The following KCNQ5 variants were observed in gnomAD, a reference collection of about 807,000 sequenced individuals.
KCNQ5 encodes potassium voltage-gated channel subfamily KQT member 5.
KCNQ5 carries 30 observed loss-of-function variants against 98.2 expected under a neutral mutation model. That is an observed-to-expected ratio of 0.31 (90% CI 0.23 to 0.41). The LOEUF (loss-of-function observed/expected upper bound fraction) is 0.41, where lower values mean the gene tolerates loss of function less well. KCNQ5 is among the 10% of genes least tolerant of loss of function. KCNQ5 has a pLI of 1.00. For missense variants in KCNQ5, 835 were observed against 1,182.5 expected (o/e 0.71, Z 4.31); for synonymous variants, 458 against 449.4 (o/e 1.02, Z -0.24).
intron 1 of KCNQ5, among the ~76,000 whole-genome samples, chr6:72,845,949 A>G (rs1188632913): frequency 6.6e-6 from 1 of 152,158 alleles, no homozygotes; most frequent in Non-Finnish European, 1.5e-5. Context: ...TGCTAATGTT[A>G]TAGCCATTTC....
chr6:72,802,147 G>A (rs1774694156), intron 1 of KCNQ5, among the ~76,000 whole-genome samples: 1 of 151,958 alleles, frequency 6.6e-6, no homozygotes, highest in East Asian at 1.9e-4. Flanking sequence ...GGCGTTCTCT[G>A]TATTTCCTGA....
chr6:73,025,623 CA>C (rs58607159), intron 2 of KCNQ5, among the ~76,000 whole-genome samples: 51 of 52,994 alleles, frequency 9.6e-4, no homozygotes, highest in Middle Eastern at 9.6e-3. Context: ...AACTCCATCT[CA>C]AAAAAAAAAA....
chr6:73,041,190 T>C (rs1771670473), intron 2 of KCNQ5, among the ~76,000 whole-genome samples: 1 of 152,232 alleles, frequency 6.6e-6, no homozygotes. Flanking sequence ...CATTCTATCA[T>C]CGACTGTTTA....
At chr6:72,907,041 C>T (rs772049244) in intron 1 of KCNQ5, among the ~76,000 whole-genome samples, 3 of 151,958 alleles carry the variant, frequency 2.0e-5, no homozygotes, top group African/African-American at 4.8e-5. Context: ...CATTGGTGAC[C>T]GTGCTTTTTT....
At chr6:73,183,442 A>C (rs1490739750) in intron 11 of KCNQ5, among the ~76,000 whole-genome samples, 3 of 152,300 alleles carry the variant, frequency 2.0e-5, no homozygotes, top group East Asian at 1.9e-4. Context: ...CCCACTCAAC[A>C]TTAAGTTGAA....
chr6:72,735,920 A>C (rs1463551350), intron 1 of KCNQ5, among the ~76,000 whole-genome samples: 1 of 152,124 alleles, frequency 6.6e-6, no homozygotes, highest in African/African-American at 2.4e-5. Context: ...TTATCTTTTT[A>C]AGCTAAAAAC....
At chr6:72,984,113 G>C (rs1768618708) in intron 1 of KCNQ5, among the ~76,000 whole-genome samples, 1 of 152,218 alleles carries the variant, frequency 6.6e-6, no homozygotes, top group Non-Finnish European at 1.5e-5. Flanking sequence ...GCTGTATGAG[G>C]TGTCAGTCGG....
chr6:72,847,679 C>T (rs1777074826), intron 1 of KCNQ5, among the ~76,000 whole-genome samples: 1 of 152,186 alleles, frequency 6.6e-6, no homozygotes, highest in South Asian at 2.1e-4. Flanking sequence ...TATTTCAATG[C>T]TTGCTGTCAG....
At chr6:73,034,831 C>T (rs1464338793) in intron 2 of KCNQ5, among the ~76,000 whole-genome samples, 2 of 135,746 alleles carry the variant, frequency 1.5e-5, no homozygotes, top group Non-Finnish European at 3.1e-5. Context: ...TCTACCACTG[C>T]CTCTTTTCTT....
rs757102535 is a variant in KCNQ5, at chr6:73,176,672, G to A, written c.1577+6818G>A. 1.4e-4 allele frequency among the ~76,000 whole-genome samples: 22 copies of A among 152,166 alleles called. 1 individual carries two copies. The highest frequency in any genetic ancestry group is 1.3e-4 in the Non-Finnish European group (9 of 68,036). On this transcript the variant is annotated intron_variant, in intron 11 of 13. Coordinates refer to ENST00000370398, the MANE Select transcript of KCNQ5 (RefSeq NM_019842.4). ...AATAGTCAAGGATGGATTTCAGATA[G>A]GATTTGGATATTTACTGATTGGAGA...
intron 1 of KCNQ5, among the ~76,000 whole-genome samples, chr6:72,998,864 G>C (rs973909903): frequency 6.6e-6 from 1 of 152,184 alleles, no homozygotes; most frequent in Non-Finnish European, 1.5e-5. Flanking sequence ...GCACCTGCTA[G>C]GTGGAAATGT....
intron 1 of KCNQ5, among the ~76,000 whole-genome samples, chr6:72,966,322 G>A (rs1767608235): frequency 6.6e-6 from 1 of 152,090 alleles, no homozygotes; most frequent in Non-Finnish European, 1.5e-5. Context: ...ACTTTGGGAG[G>A]CCAAGGCGGG....
chr6:72,833,163 G>A (rs1190797427), intron 1 of KCNQ5, among the ~76,000 whole-genome samples: 1 of 152,150 alleles, frequency 6.6e-6, no homozygotes, highest in Non-Finnish European at 1.5e-5. Flanking sequence ...TGTTCGACAG[G>A]CCACTTAACT....
rs1321132285 is a variant in KCNQ5, at chr6:73,192,699, T to C, written c.1836+8T>C. On this transcript the variant is annotated splice_region_variant and intron_variant, in intron 13 of 13. Transcript: ENST00000370398. ...GTCAAGGTTGAAAAACAGGTACAAC[T>C]CAACTACGCTGGGTATCTTTTTAGC... 1.9e-6 allele frequency: 3 copies of C among 1,572,214 alleles called. No individual in the cohort carries two copies. Among genetic ancestry groups the C allele is most frequent in the Non-Finnish European group, 2.6e-6 (3 of 1,160,662 alleles).
chr6:72,934,599 T>G (rs1310678892), intron 1 of KCNQ5, among the ~76,000 whole-genome samples: 1 of 152,244 alleles, frequency 6.6e-6, no homozygotes, highest in Non-Finnish European at 1.5e-5. Flanking sequence ...ATATCAGAAG[T>G]GCTTTAGATA....
chr6:72,698,454 C>T (rs559066762), intron 1 of KCNQ5, among the ~76,000 whole-genome samples: 31 of 152,152 alleles, frequency 2.0e-4, no homozygotes, highest in African/African-American at 6.0e-4. Context: ...CCACCTGCTT[C>T]GGCCTCCCAA....
At chr6:73,098,199 G>C (rs1462199844) in intron 5 of KCNQ5, among the ~76,000 whole-genome samples, 1 of 152,072 alleles carries the variant, frequency 6.6e-6, no homozygotes, top group Non-Finnish European at 1.5e-5. Flanking sequence ...TAGTGAGCAT[G>C]AAGACAGGCT....
At chr6:73,056,756 T>C (rs1240364549) in intron 3 of KCNQ5, among the ~76,000 whole-genome samples, 2 of 151,978 alleles carry the variant, frequency 1.3e-5, no homozygotes, top group Non-Finnish European at 2.9e-5. Context: ...AAAGGAGTGA[T>C]GTGCAATAAA....
chr6:72,757,004 C>T (rs1215446161), intron 1 of KCNQ5, among the ~76,000 whole-genome samples: 1 of 151,842 alleles, frequency 6.6e-6, no homozygotes, highest in Non-Finnish European at 1.5e-5. Flanking sequence ...TTGAAAGCTG[C>T]CTTCCAAATG....
Sources: gnomAD v4.1 joint callset for allele counts (sites outside exome capture counted in the v4.1 genomes callset) on GRCh38, gnomAD v4.1.1 for gene constraint, MANE v1.5 for transcripts, NCBI Gene and HGNC (gene_info 2026-07-23, HGNC 2026-07-21) for gene names.